The following PDCD1LG2 variants were observed in gnomAD, a reference collection of about 807,000 sequenced individuals.
PDCD1LG2 encodes the protein programmed cell death 1 ligand 2, also known as B7 dendritic cell molecule.
A neutral mutation model predicts 28.2 loss-of-function variants in PDCD1LG2; 32 were observed. That is an observed-to-expected ratio of 1.13 (90% CI 0.86 to 1.52). The LOEUF (loss-of-function observed/expected upper bound fraction) is 1.52. Ranked by LOEUF, PDCD1LG2 falls within the 40% of genes most tolerant of loss-of-function variation. The probability of loss-of-function intolerance (pLI) is 0.00; values close to 1 mark genes in which losing one functional copy is unlikely to be tolerated. For missense variants in PDCD1LG2, 385 were observed against 323.8 expected (o/e 1.19, Z -1.45); for synonymous variants, 116 against 120.2 (o/e 0.97, Z 0.23).
intron 3 of PDCD1LG2, among the ~76,000 whole-genome samples, chr9:5,538,240 T>C (rs1056538317): frequency 4.6e-5 from 7 of 152,176 alleles, no homozygotes; most frequent in African/African-American, 1.7e-4. Flanking sequence ...TCCAGTCTCA[T>C]TCCCCTTTTT....
chr9:5,516,994 C>T (rs1180321593), intron 1 of PDCD1LG2, among the ~76,000 whole-genome samples: 1 of 152,218 alleles, frequency 6.6e-6, no homozygotes, highest in Non-Finnish European at 1.5e-5. Flanking sequence ...GCGGGACTCC[C>T]ACCTGTTCTT....
Position 5,570,214 on chromosome 9 carries a change from C to G in PDCD1LG2, c.*255C>G, listed in dbSNP as rs962673768. ...CACTACTGCACTTTACAGAATTACCCCACTGGATCCTGGACCCACAGAATT... is the reference window on the plus strand; with the variant it reads ...CACTACTGCACTTTACAGAATTACCGCACTGGATCCTGGACCCACAGAATT... On this transcript the variant is annotated 3_prime_UTR_variant, in exon 7 of 7. Transcript: ENST00000397747. 7 of 416,598 alleles carry G rather than the reference C, an allele frequency of 1.7e-5. No homozygotes were observed. Among genetic ancestry groups the G allele is most frequent in the African/African-American group, 1.4e-4 (7 of 50,472 alleles). The allele number at this position is 416,598 out of a possible 1,614,324, so 25.8% of individuals were successfully genotyped here.
At chr9:5,526,305 A>C (rs1193906101) in intron 2 of PDCD1LG2, among the ~76,000 whole-genome samples, 6 of 152,200 alleles carry the variant, frequency 3.9e-5, no homozygotes, top group Admixed American at 2.0e-4. Flanking sequence ...TACTTTTGTA[A>C]CCACCACCCA....
In PDCD1LG2 at chr9:5,569,105, G is replaced by C. The variant is rs1464202098; in HGVS notation, c.817-849G>C. Among the ~76,000 whole-genome samples, 1 of 152,184 alleles carries C rather than the reference G, an allele frequency of 6.6e-6. No individual in the cohort carries two copies. The highest frequency in any genetic ancestry group is 1.9e-4 in the East Asian group (1 of 5,202). On this transcript the variant is annotated intron_variant, in intron 6 of 6. Coordinates refer to ENST00000397747, the MANE Select transcript of PDCD1LG2 (RefSeq NM_025239.4). The surrounding 1 kb of genome is among the most constrained non-coding windows in gnomAD (Gnocchi z 4.1). ...GAGATAAGGGGGAAAGACTGTTAGG[G>C]CATGTATTGTAAACCACTAATTCCA...
chr9:5,555,560 G>A (rs898247123), intron 4 of PDCD1LG2, among the ~76,000 whole-genome samples: 1 of 152,236 alleles, frequency 6.6e-6, no homozygotes, highest in African/African-American at 2.4e-5. Flanking sequence ...AAGCGAGACA[G>A]AAGTATCTTT....
At position 5,569,969 on chromosome 9, in the gene PDCD1LG2, C is replaced by T; in HGVS notation, c.*10C>T. On this transcript the variant is annotated 3_prime_UTR_variant, in exon 7 of 7. Coordinates refer to ENST00000397747, the MANE Select transcript of PDCD1LG2 (RefSeq NM_025239.4). This position sits in a 1 kb window ranked among gnomAD's most constrained non-coding sequence, Gnocchi z 4.1. ...TTCTCCCCAGATCTGAACCTGTGGT[C>T]TTGGGAGCCAGGGTGACCTGATATG... The T allele has an allele frequency of 6.2e-7, 1 of 1,613,986 alleles. No homozygotes were observed. Among genetic ancestry groups the T allele is most frequent in the Non-Finnish European group, 8.5e-7 (1 of 1,179,886 alleles).
chr9:5,516,564 C>T (rs981869984), intron 1 of PDCD1LG2, among the ~76,000 whole-genome samples: 3 of 152,224 alleles, frequency 2.0e-5, no homozygotes, highest in Non-Finnish European at 2.9e-5. Flanking sequence ...AGGAACCTGT[C>T]TCCCTCTTGC....
At chr9:5,514,267 C>G (rs140254623) in intron 1 of PDCD1LG2, among the ~76,000 whole-genome samples, 61 of 152,182 alleles carry the variant, frequency 4.0e-4, no homozygotes, top group African/African-American at 1.4e-3. Flanking sequence ...ATAGTAAATA[C>G]CAAGTAAATG....
chr9:5,528,833 G>A (rs530661154), intron 2 of PDCD1LG2, among the ~76,000 whole-genome samples: 96 of 152,150 alleles, frequency 6.3e-4, no homozygotes, highest in African/African-American at 2.2e-3. Flanking sequence ...AAGTTTAAGC[G>A]ATTCTCCAGC....
At chr9:5,541,692 C>T (rs182558715) in intron 3 of PDCD1LG2, among the ~76,000 whole-genome samples, 2 of 152,238 alleles carry the variant, frequency 1.3e-5, no homozygotes, top group African/African-American at 4.8e-5. Context: ...AATGGAAACA[C>T]ATCCCATGTT....
chr9:5,542,283 T>C (rs1452258210), intron 3 of PDCD1LG2, among the ~76,000 whole-genome samples: 1 of 152,176 alleles, frequency 6.6e-6, no homozygotes, highest in African/African-American at 2.4e-5. Context: ...AAAGACTTCG[T>C]GACCAAGAAC....
chr9:5,548,576 C>T (rs1376365527), intron 3 of PDCD1LG2, among the ~76,000 whole-genome samples: 4 of 152,152 alleles, frequency 2.6e-5, no homozygotes, highest in Non-Finnish European at 5.9e-5. Flanking sequence ...GACCTCTATA[C>T]TATTTTCCAA....
intron 2 of PDCD1LG2, among the ~76,000 whole-genome samples, chr9:5,525,548 C>T (rs1820357690): frequency 6.6e-6 from 1 of 151,190 alleles, no homozygotes; most frequent in African/African-American, 2.4e-5. Flanking sequence ...AAATTAATTA[C>T]AAAAACATAT....
chr9:5,549,141 A>C (rs527520041), intron 3 of PDCD1LG2, among the ~76,000 whole-genome samples, 194 bp from the exon 4 acceptor site: 2 of 152,362 alleles, frequency 1.3e-5, no homozygotes, highest in South Asian at 4.1e-4. Flanking sequence ...TCTTTATTGC[A>C]TTGTAAGAAT....
chr9:5,527,525 T>A (rs79591764), intron 2 of PDCD1LG2, among the ~76,000 whole-genome samples: 1 of 152,272 alleles, frequency 6.6e-6, no homozygotes, highest in South Asian at 2.1e-4. Flanking sequence ...TTCTAGTGTA[T>A]GTATACTATA....
chr9:5,526,536 CAA>C (rs1376152916), intron 2 of PDCD1LG2, among the ~76,000 whole-genome samples: 2 of 152,174 alleles, frequency 1.3e-5, no homozygotes, highest in Non-Finnish European at 2.9e-5. Flanking sequence ...CTCCCAGGCT[CAA>C]GTGAGTCTCC....
chr9:5,541,311 A>C (rs1214541794), intron 3 of PDCD1LG2, among the ~76,000 whole-genome samples: 1 of 151,806 alleles, frequency 6.6e-6, no homozygotes, highest in Non-Finnish European at 1.5e-5. Context: ...ACAAGACAAG[A>C]CACTTTCACC....
intron 1 of PDCD1LG2, among the ~76,000 whole-genome samples, chr9:5,513,530 T>A (rs1323976948): frequency 1.3e-5 from 2 of 152,358 alleles, no homozygotes; most frequent in East Asian, 1.9e-4. Context: ...AATTCTCCAA[T>A]GATAAATTAT....
intron 2 of PDCD1LG2, among the ~76,000 whole-genome samples, chr9:5,528,889 T>C (rs1820429697): frequency 6.6e-6 from 1 of 152,156 alleles, no homozygotes; most frequent in African/African-American, 2.4e-5. Context: ...ACCACCATGC[T>C]TGGCTTATGT....
Sources: gnomAD v4.1 joint callset for allele counts (sites outside exome capture counted in the v4.1 genomes callset) on GRCh38, gnomAD v4.1.1 for gene constraint, Gnocchi (gnomAD v3.1) non-coding constraint, MANE v1.5 for transcripts, NCBI Gene and HGNC (gene_info 2026-07-23, HGNC 2026-07-21) for gene names.